Variants in LY9 observed in about 807,000 individuals in gnomAD.
LY9 encodes T-lymphocyte surface antigen Ly-9.
In LY9, 59 loss-of-function variants were observed where a neutral mutation model predicts 64.6. The ratio of observed to expected loss-of-function variants is 0.91; its 90% CI spans 0.74 to 1.13. The LOEUF is 1.13. LY9 is among the 50% of genes most tolerant of loss of function. The pLI is 0.00. For missense variants in LY9, 789 were observed against 797.2 expected, an observed-to-expected ratio of 0.99 and a Z score of 0.12; for synonymous variants, 281 against 308.5, an observed-to-expected ratio of 0.91 and a Z score of 0.93.
chr1:160,821,158 A>AAAAAAAAACAAAC (rs1668406561), intron 7 of LY9, among the ~76,000 whole-genome samples: 1 of 150,398 alleles, frequency 6.6e-6, no homozygotes, highest in Admixed American at 6.6e-5. Context: ...TGCTAAAAAA[A>AAAAAAAAACAAAC]AAAAAAAAAA....
At chr1:160,825,338 T>C (rs1668794611) in intron 9 of LY9, among the ~76,000 whole-genome samples, 1 of 152,242 alleles carries the variant, frequency 6.6e-6, no homozygotes, top group South Asian at 2.1e-4. Context: ...TTGATCTTTG[T>C]AATACTTCTA....
intron 2 of LY9, chr1:160,801,914 C>A (rs1438394259): frequency 1.2e-6 from 2 of 1,612,798 alleles, no homozygotes; most frequent in South Asian, 2.2e-5. Flanking sequence ...TGCGGGAGGG[C>A]TAGGCCCTCG....
intron 5 of LY9, 145 bp from the exon 6 acceptor site, chr1:160,818,073 G>T: frequency 1.6e-6 from 1 of 624,364 alleles, no homozygotes. Flanking sequence ...CTCGAAAAAT[G>T]GTTGTAGAAT....
intron 9 of LY9, chr1:160,824,857 T>G (rs1208409696): frequency 6.4e-6 from 1 of 157,250 alleles, no homozygotes; most frequent in African/African-American, 2.4e-5. Flanking sequence ...GGCAGGCGCC[T>G]GTAGTTCCAA....
intron 1 of LY9, chr1:160,797,197 T>C: frequency 2.0e-6 from 2 of 985,478 alleles, no homozygotes; most frequent in Non-Finnish European, 2.4e-6. Context: ...CCAGAGAGGA[T>C]CTCAGCCACC....
At chr1:160,823,416 G>C (rs1192469858) in intron 7 of LY9, 49 bp from the exon 8 acceptor site, 1 of 1,433,542 alleles carries the variant, frequency 7.0e-7, no homozygotes, top group Non-Finnish European at 9.6e-7. Context: ...AAAGCAAGAA[G>C]AGAGGTGGGG....
At chr1:160,800,830 G>C (rs1314145694) in intron 2 of LY9, among the ~76,000 whole-genome samples, 1 of 152,180 alleles carries the variant, frequency 6.6e-6, no homozygotes. Context: ...TTTCAGCTAG[G>C]ATAATGGCCT....
At chr1:160,803,374 T>G (rs947177449) in intron 2 of LY9, among the ~76,000 whole-genome samples, 8 of 152,116 alleles carry the variant, frequency 5.3e-5, no homozygotes, top group Non-Finnish European at 8.8e-5. Flanking sequence ...AATCTGTAGA[T>G]TCTTTGGGCA....
At position 160,827,866 on chromosome 1, in the gene LY9, C is replaced by A; in HGVS notation, c.*50C>A. On this transcript the variant is annotated 3_prime_UTR_variant, in exon 10 of 10. Transcript: ENST00000263285. Reference sequence around the variant, plus strand: ...TCCTGGGACCGTGGGGTTGGAAAGTCAGCTGGACCTCATGGGGCCTGGGGC... The same window carrying A: ...TCCTGGGACCGTGGGGTTGGAAAGTAAGCTGGACCTCATGGGGCCTGGGGC... The A allele has an allele frequency of 1.4e-6, 2 of 1,479,088 alleles. No homozygotes were observed. The highest frequency in any genetic ancestry group is 2.4e-5 in the South Asian group (2 of 84,880). The allele number at this position is 1,479,088 out of a possible 1,614,324, so 91.6% of individuals were successfully genotyped here. A position where few individuals can be genotyped will look rare whatever the true frequency, so the allele number is the denominator to read the frequency against.
At chr1:160,814,347 C>T (rs1203662943) in intron 3 of LY9, 73 bp from the exon 4 acceptor site, 1 of 1,167,154 alleles carries the variant, frequency 8.6e-7, no homozygotes, top group Non-Finnish European at 1.2e-6. Context: ...CCCCTCAGTC[C>T]CCTTTAGGAT....
chr1:160,816,674 G>A lies in LY9; in HGVS notation c.1153G>A (p.Val385Met), dbSNP rs140544982. Residue 385 changes from valine (V) to methionine (M), a missense_variant, in exon 5 of 10, where the codon GTG (valine) becomes ATG (methionine). Transcript: ENST00000263285. The part of the protein sequence containing the change: ...GICRISLTCS[V>M]EDGGNTVMYT... ...CTGCAGGATCAGCCTGACCTGCTCC[G>A]TGGAGGACGGGGGAAACACTGTCAT... 56 of 1,614,212 alleles carry A rather than the reference G, an allele frequency of 3.5e-5. No homozygotes were observed. The highest frequency in any genetic ancestry group is 1.6e-4 in the East Asian group (7 of 44,892).
In LY9 at chr1:160,820,880, C is replaced by T. The variant is rs186943102; in HGVS notation, c.1498+1506C>T. On this transcript the variant is annotated intron_variant, in intron 7 of 9. Transcript: ENST00000263285. ...TTTAATTCAAAAGTCAGACTGGGCA[C>T]GGTGGCTCACGCCTATAATCCCAGT... 2.7e-4 allele frequency among the ~76,000 whole-genome samples: 41 copies of T among 149,930 alleles called. 1 individual carries two copies. The highest frequency in any genetic ancestry group is 5.3e-4 in the Admixed American group (8 of 15,108).
intron 1 of LY9, 36 bp from the exon 2 acceptor site, chr1:160,799,717 T>C: frequency 2.2e-6 from 3 of 1,367,834 alleles, no homozygotes; most frequent in Non-Finnish European, 3.1e-6. Flanking sequence ...TCAAGGAGTC[T>C]AGCTGCTCCT....
intron 2 of LY9, chr1:160,811,715 T>C (rs1304233484): frequency 6.6e-6 from 1 of 152,234 alleles, no homozygotes; most frequent in African/African-American, 2.4e-5. Flanking sequence ...CTAATTTCTG[T>C]CTGAGACCTC....
chr1:160,817,889 A>G (rs1453017040), intron 5 of LY9, among the ~76,000 whole-genome samples: 1 of 152,148 alleles, frequency 6.6e-6, no homozygotes, highest in Non-Finnish European at 1.5e-5. Context: ...AACTCCCCTC[A>G]TATCATTTAC....
intron 2 of LY9, chr1:160,801,931 C>T (rs1397646643): frequency 1.2e-6 from 2 of 1,612,224 alleles, no homozygotes; most frequent in Non-Finnish European, 1.7e-6. Context: ...CTCGCCCCCA[C>T]CTGCCACTGG....
chr1:160,800,262 A>G (rs1216437875), intron 2 of LY9, 180 bp downstream of exon 2: 1 of 582,506 alleles, frequency 1.7e-6, no homozygotes, highest in African/African-American at 1.9e-5. Flanking sequence ...CTACTCTGCT[A>G]TCAAAAATTG....
At chr1:160,805,490 G>A (rs1269811208) in intron 2 of LY9, among the ~76,000 whole-genome samples, 2 of 151,910 alleles carry the variant, frequency 1.3e-5, no homozygotes, top group Non-Finnish European at 2.9e-5. Flanking sequence ...TTTAAAATTT[G>A]TTGAGACTTG....
intron 9 of LY9, 99 bp downstream of exon 9, chr1:160,824,348 A>T: frequency 1.9e-6 from 3 of 1,558,654 alleles, no homozygotes; most frequent in Non-Finnish European, 2.6e-6. Context: ...ATGGCTAAGG[A>T]TCTTAAATTC....
Sources: gnomAD v4.1 joint callset for allele counts (sites outside exome capture counted in the v4.1 genomes callset) on GRCh38, gnomAD v4.1.1 for gene constraint, MANE v1.5 for transcripts, NCBI Gene and HGNC (gene_info 2026-07-23, HGNC 2026-07-21) for gene names.